The following ARHGAP10 variants were observed in gnomAD, a reference collection of about 807,000 sequenced individuals.
ARHGAP10 encodes the protein Rho GTPase activating protein 10.
In ARHGAP10, 87 loss-of-function variants were observed where a neutral mutation model predicts 108.6. That is an observed-to-expected ratio of 0.80 (90% CI 0.67 to 0.96). ARHGAP10 has a LOEUF of 0.96. ARHGAP10 is among the 40% of genes least tolerant of loss of function. ARHGAP10 has a pLI of 0.00. For missense variants in ARHGAP10, 939 were observed against 954.5 expected (o/e 0.98, Z 0.21); for synonymous variants, 347 against 341.1 (o/e 1.02, Z -0.19).
intron 13 of ARHGAP10, among the ~76,000 whole-genome samples, chr4:147,934,176 C>T (rs578039312): frequency 1.3e-5 from 2 of 152,198 alleles, no homozygotes; most frequent in Admixed American, 6.5e-5. Flanking sequence ...CCTTTTGGAC[C>T]CCTTGGCAGA....
At chr4:147,899,134 C>T (rs375758984) in intron 10 of ARHGAP10, among the ~76,000 whole-genome samples, 1 of 152,300 alleles carries the variant, frequency 6.6e-6, no homozygotes, top group African/African-American at 2.4e-5. Flanking sequence ...TGAGGTCCCA[C>T]GGACAAGAGT....
At chr4:147,900,844 C>CA (rs1381966867) in intron 10 of ARHGAP10, among the ~76,000 whole-genome samples, 3 of 151,648 alleles carry the variant, frequency 2.0e-5, no homozygotes, top group African/African-American at 4.8e-5. Context: ...ACAACAACAA[C>CA]ACGCCTTGAG....
intron 22 of ARHGAP10, 22 bp downstream of exon 22, chr4:148,064,529 G>C (rs762999907): frequency 1.9e-6 from 3 of 1,598,866 alleles, no homozygotes; most frequent in Non-Finnish European, 2.6e-6. Flanking sequence ...TGGGAGCTTC[G>C]TCTGTTAATC....
intron 3 of ARHGAP10, among the ~76,000 whole-genome samples, chr4:147,838,627 G>A (rs1034971824): frequency 1.3e-5 from 2 of 152,030 alleles, no homozygotes; most frequent in Non-Finnish European, 1.5e-5. Flanking sequence ...TCAACCTCTC[G>A]GCCTCAACTA....
chr4:148,070,813 A>G (rs1361841598), intron 22 of ARHGAP10, among the ~76,000 whole-genome samples: 2 of 152,100 alleles, frequency 1.3e-5, no homozygotes, highest in Non-Finnish European at 2.9e-5. Flanking sequence ...CCTTTATGCC[A>G]CGGCTGCCAC....
intron 13 of ARHGAP10, chr4:147,917,150 G>C (rs1235106711): frequency 6.6e-6 from 1 of 152,180 alleles, no homozygotes; most frequent in East Asian, 1.9e-4. Flanking sequence ...ATAGCTCTCA[G>C]CTGGGGCTCT....
chr4:148,034,745 C>T (rs941965899), intron 19 of ARHGAP10, among the ~76,000 whole-genome samples: 3 of 152,164 alleles, frequency 2.0e-5, no homozygotes, highest in Non-Finnish European at 2.9e-5. Flanking sequence ...GGAGGTTGTA[C>T]TCTGAGCACA....
chr4:147,987,309 T>C (rs1264518677), intron 18 of ARHGAP10, among the ~76,000 whole-genome samples: 2 of 152,258 alleles, frequency 1.3e-5, no homozygotes, highest in Admixed American at 1.3e-4. Context: ...ACTAGGATAC[T>C]TGTAGAGAAG....
intron 10 of ARHGAP10, among the ~76,000 whole-genome samples, chr4:147,897,376 T>A (rs1467142390): frequency 3.3e-5 from 5 of 152,088 alleles, no homozygotes; most frequent in African/African-American, 1.2e-4. Context: ...GTGCTGTGAT[T>A]ACAGGCATGA....
intron 19 of ARHGAP10, among the ~76,000 whole-genome samples, chr4:148,040,348 G>A (rs980930046): frequency 6.6e-6 from 1 of 151,894 alleles, no homozygotes; most frequent in Admixed American, 6.6e-5. Flanking sequence ...TTTGTTTTTT[G>A]TTTTTTGTTT....
intron 18 of ARHGAP10, among the ~76,000 whole-genome samples, chr4:147,998,766 C>T (rs140229042): frequency 2.6e-5 from 4 of 152,290 alleles, no homozygotes; most frequent in South Asian, 2.1e-4. Context: ...TACATTAATT[C>T]GTGATACCAT....
chr4:148,008,921 G>C (rs1471307547), intron 18 of ARHGAP10, among the ~76,000 whole-genome samples: 1 of 152,058 alleles, frequency 6.6e-6, no homozygotes, highest in Non-Finnish European at 1.5e-5. Context: ...AAAGAGATTT[G>C]CAAAATGTGA....
At chr4:147,829,685 A>G (rs1310543679) in intron 3 of ARHGAP10, among the ~76,000 whole-genome samples, 1 of 152,172 alleles carries the variant, frequency 6.6e-6, no homozygotes, top group Non-Finnish European at 1.5e-5. Context: ...TCTCTCTGGC[A>G]TGGCAGGACA....
At position 147,839,158 on chromosome 4, in the gene ARHGAP10, A is replaced by G. The variant is rs572847464; in HGVS notation, c.313-7993A>G. Among the ~76,000 whole-genome samples the G allele has an allele frequency of 4.2e-5, 6 of 142,004 alleles. No individual in the cohort carries two copies. In the South Asian group the frequency reaches 1.2e-3, roughly 29 times the overall value. 93.2% of individuals were successfully genotyped at this position (142,004 alleles called of 152,430 possible). On this transcript the variant is annotated intron_variant, in intron 3 of 22. Coordinates refer to ENST00000336498, the MANE Select transcript of ARHGAP10 (RefSeq NM_024605.4). Reference sequence around the variant, plus strand: ...TATCTATCTATCTGTCTGTCTGTCTATGTATATATAAAGTTTCTAGGCACC... The same window carrying G: ...TATCTATCTATCTGTCTGTCTGTCTGTGTATATATAAAGTTTCTAGGCACC...
rs1025113839 is a variant in ARHGAP10 at position 148,061,694 on chromosome 4, A to G, written c.2028-1454A>G. Among the ~76,000 whole-genome samples the G allele has an allele frequency of 9.9e-5, 15 of 152,186 alleles. No individual in the cohort carries two copies. In the East Asian group the frequency reaches 1.9e-3, roughly 20 times the overall value. ...TGTGTATTAAATACCTACCAAGTCA[A>G]TTATGCACCAGATTTGTAAAATCCA... On this transcript the variant is annotated intron_variant, in intron 20 of 22. Transcript: ENST00000336498.
At chr4:147,915,901 C>G (rs1424409587) in intron 13 of ARHGAP10, among the ~76,000 whole-genome samples, 1 of 152,014 alleles carries the variant, frequency 6.6e-6, no homozygotes. Context: ...CCCAAGAGTT[C>G]AAGACCAGTC....
chr4:148,004,482 G>A (rs1376422406), intron 18 of ARHGAP10, among the ~76,000 whole-genome samples: 1 of 152,178 alleles, frequency 6.6e-6, no homozygotes, highest in African/African-American at 2.4e-5. Context: ...CTACCCAGTA[G>A]AATACAGCAG....
In ARHGAP10 at chr4:147,987,050, G is replaced by A. The variant is rs138298014; in HGVS notation, c.1716+20211G>A. Among the ~76,000 whole-genome samples, 533 of 152,284 alleles carry A rather than the reference G, an allele frequency of 3.5e-3. 4 individuals carry two copies. The highest frequency in any genetic ancestry group is 0.02 in the Middle Eastern group (6 of 294). Reference sequence around the variant, plus strand: ...TTATTGCGGATTGAACTGAATCACTGAAAATAGAATATTTTGATGTCTCAA... The same window carrying A: ...TTATTGCGGATTGAACTGAATCACTAAAAATAGAATATTTTGATGTCTCAA... On this transcript the variant is annotated intron_variant, in intron 18 of 22. Coordinates refer to ENST00000336498, the MANE Select transcript of ARHGAP10 (RefSeq NM_024605.4).
At chr4:148,007,105 G>A (rs187226181) in intron 18 of ARHGAP10, among the ~76,000 whole-genome samples, 4 of 152,310 alleles carry the variant, frequency 2.6e-5, no homozygotes, top group East Asian at 3.9e-4. Context: ...ACAAAAATCT[G>A]TATAGAAGAA....
Sources: gnomAD v4.1 joint callset for allele counts (sites outside exome capture counted in the v4.1 genomes callset) on GRCh38, gnomAD v4.1.1 for gene constraint, MANE v1.5 for transcripts, NCBI Gene and HGNC (gene_info 2026-07-23, HGNC 2026-07-21) for gene names.